The following TEX14 variants were observed in gnomAD, a reference collection of about 807,000 sequenced individuals.
TEX14 encodes the protein testis expressed 14, intercellular bridge forming factor.
A neutral mutation model predicts 178.6 loss-of-function variants in TEX14; 168 were observed. The observed-to-expected ratio is 0.94, with a 90% confidence interval of 0.83 to 1.07. The LOEUF (loss-of-function observed/expected upper bound fraction) is 1.07. Ranked by LOEUF, TEX14 falls within the 50% of genes least tolerant of loss-of-function variation. TEX14 has a pLI of 0.00. For missense variants in TEX14, 1,730 were observed against 1,753.6 expected (o/e 0.99, Z 0.24); for synonymous variants, 626 against 634.1 (o/e 0.99, Z 0.19).
rs137946944 is a variant in TEX14, at chr17:58,605,063, G to A, written c.1251C>T (p.Ala417=). Residue 417 remains alanine (A), a synonymous_variant, in exon 11 of 32, where the codon GCC becomes GCT. Coordinates refer to ENST00000349033, the MANE Select transcript of TEX14 (RefSeq NM_031272.5). Reference sequence around the variant, plus strand: ...CCTTCTGTAAGATCACTTCTGGTGCGGCCCAGTTGTATAGCTGCGTAGGAA... The same window carrying A: ...CCTTCTGTAAGATCACTTCTGGTGCAGCCCAGTTGTATAGCTGCGTAGGAA... ...VPLPTQLYNW[A]APEVILQKAA... 5.1e-5 allele frequency: 83 copies of A among 1,614,160 alleles called. No homozygotes were observed. In the African/African-American group the frequency reaches 7.9e-4, roughly 15 times the overall value.
intron 22 of TEX14, 26 bp from the exon 23 acceptor site, chr17:58,573,334 T>C (rs1179581563): frequency 6.2e-7 from 1 of 1,606,446 alleles, no homozygotes; most frequent in Admixed American, 1.7e-5. Context: ...CACACAGTAA[T>C]GATGAGAAGA....
intron 2 of TEX14, among the ~76,000 whole-genome samples, chr17:58,639,128 G>A (rs2046511306): frequency 1.3e-5 from 2 of 151,584 alleles, no homozygotes; most frequent in Non-Finnish European, 2.9e-5. Context: ...GCCTCTCAAA[G>A]TGCTGGGATT....
chr17:58,657,542 T>G (rs1234686197), intron 1 of TEX14, among the ~76,000 whole-genome samples: 1 of 124,630 alleles, frequency 8.0e-6, no homozygotes, highest in African/African-American at 3.2e-5. Context: ...TGAGACAGAG[T>G]CTTGCTCTGT....
At chr17:58,606,962 T>G (rs1336916311) in intron 10 of TEX14, among the ~76,000 whole-genome samples, 2 of 145,572 alleles carry the variant, frequency 1.4e-5, no homozygotes, top group African/African-American at 5.2e-5. Flanking sequence ...GAGGCAGAGG[T>G]TGCTGTGAGC....
chr17:58,680,567 C>A (rs1028489678), intron 1 of TEX14, among the ~76,000 whole-genome samples: 2 of 152,008 alleles, frequency 1.3e-5, no homozygotes, highest in Non-Finnish European at 2.9e-5. Flanking sequence ...CATGGTAAAA[C>A]CCTATCTCTA....
intron 2 of TEX14, among the ~76,000 whole-genome samples, chr17:58,630,930 A>C (rs1173648272): frequency 1.3e-5 from 2 of 152,184 alleles, no homozygotes; most frequent in Non-Finnish European, 2.9e-5. Context: ...TCCTCACCTA[A>C]AAGATCTTAC....
chr17:58,594,749 A>T (rs558329820), intron 14 of TEX14, among the ~76,000 whole-genome samples: 10 of 152,362 alleles, frequency 6.6e-5, no homozygotes, highest in African/African-American at 2.4e-4. Flanking sequence ...TATGAAAATA[A>T]AACAGAATAC....
Position 58,577,459 on chromosome 17 carries a change from GA to G in TEX14, c.3239-4del. 7.5e-7 allele frequency: 1 copy of G among 1,334,604 alleles called. No individual in the cohort carries two copies. Among genetic ancestry groups the G allele is most frequent in the Non-Finnish European group, 1.0e-6 (1 of 986,352 alleles). The allele number at this position is 1,334,604 out of a possible 1,614,324, so 82.7% of individuals were successfully genotyped here. ...TCTCATTTGGAACTTTTCCTCACCTGAAAGAATAAAGTTAAAAATATATATA... is the reference window on the plus strand; with the variant it reads ...TCTCATTTGGAACTTTTCCTCACCTGAAGAATAAAGTTAAAAATATATATA... On this transcript the variant is annotated splice_region_variant and splice_polypyrimidine_tract_variant and intron_variant, in intron 20 of 31. Coordinates refer to ENST00000349033, the MANE Select transcript of TEX14 (RefSeq NM_031272.5).
At chr17:58,672,736 T>C (rs531428387) in intron 1 of TEX14, among the ~76,000 whole-genome samples, 4 of 150,190 alleles carry the variant, frequency 2.7e-5, no homozygotes, top group South Asian at 2.1e-4. Flanking sequence ...TTCCTTTTTT[T>C]CTTTGTTTGT....
chr17:58,563,202 T>C (rs2044307257), intron 28 of TEX14, among the ~76,000 whole-genome samples: 1 of 151,970 alleles, frequency 6.6e-6, no homozygotes, highest in Non-Finnish European at 1.5e-5. Context: ...CCCCGAATAA[T>C]GATAGTTCAA....
At position 58,573,858 on chromosome 17, in the gene TEX14, A is replaced by G. The variant is rs532404307; in HGVS notation, c.3383+329T>C. Among the ~76,000 whole-genome samples the G allele has an allele frequency of 2.6e-5, 4 of 152,284 alleles. No homozygotes were observed. In the South Asian group the frequency reaches 6.2e-4, roughly 24 times the overall value. ...TTTGCTAGATACTGTAACTTTAAACATATCAGCAGCTAAAAATAAACTATT... is the reference window on the plus strand; with the variant it reads ...TTTGCTAGATACTGTAACTTTAAACGTATCAGCAGCTAAAAATAAACTATT... On this transcript the variant is annotated intron_variant, in intron 22 of 31. Transcript: ENST00000349033.
intron 2 of TEX14, among the ~76,000 whole-genome samples, chr17:58,640,690 A>G (rs542617559): frequency 3.6e-4 from 54 of 151,954 alleles, no homozygotes; most frequent in African/African-American, 1.1e-3. Flanking sequence ...GTAGAGAATT[A>G]TAACATTGTT....
chr17:58,644,733 C>T (rs561753047), intron 2 of TEX14, among the ~76,000 whole-genome samples: 1 of 150,168 alleles, frequency 6.7e-6, no homozygotes, highest in Non-Finnish European at 1.5e-5. Context: ...CCTCCGCCCC[C>T]CCTGGTTCAA....
In TEX14 at chr17:58,598,988, AGAG is replaced by A. The variant is rs765452908; in HGVS notation, c.2354_2356del (p.Pro785del). 4 of 1,614,102 alleles carry A rather than the reference AGAG, an allele frequency of 2.5e-6. No individual in the cohort carries two copies. Among genetic ancestry groups the A allele is most frequent in the Non-Finnish European group, 3.4e-6 (4 of 1,180,004 alleles). On this transcript the variant is annotated inframe_deletion, in exon 14 of 32. Coordinates refer to ENST00000349033, the MANE Select transcript of TEX14 (RefSeq NM_031272.5). The stretch of plus-strand genomic sequence containing the variant: ...GTTTAAAGATGGAGGGCCCACGGCC[AGAG>A]GTAACTTGTAGGCATTTGTAAACTC...
intron 1 of TEX14, among the ~76,000 whole-genome samples, chr17:58,687,624 C>A (rs1353357698): frequency 7.9e-5 from 12 of 151,992 alleles, no homozygotes; most frequent in Non-Finnish European, 1.8e-4. Flanking sequence ...TGAGCCACTG[C>A]ACCCGGCCGT....
At chr17:58,593,514 A>T (rs781016637) in intron 15 of TEX14, 41 bp downstream of exon 15, 6 of 1,452,970 alleles carry the variant, frequency 4.1e-6, no homozygotes. Flanking sequence ...ACAGAAGTCT[A>T]AAGGCATAGT....
chr17:58,618,471 C>T (rs780458856), intron 5 of TEX14, among the ~76,000 whole-genome samples: 35 of 152,356 alleles, frequency 2.3e-4, no homozygotes, highest in Non-Finnish European at 4.7e-4. Context: ...TCCCCCTTCA[C>T]TGAAGGTGTC....
chr17:58,601,957 C>G lies in TEX14; in HGVS notation c.1528-1G>C, dbSNP rs769344128. 3 of 1,612,620 alleles carry G rather than the reference C, an allele frequency of 1.9e-6. No individual in the cohort carries two copies. The highest frequency in any genetic ancestry group is 2.5e-6 in the Non-Finnish European group (3 of 1,179,870). On this transcript the variant is annotated splice_acceptor_variant, in intron 12 of 31. Transcript: ENST00000349033. LOFTEE classifies it high-confidence loss of function. ...GAGTTCTCTGGGCTCCAGTAAAATC[C>G]TGTAACACAGGAAATATTGTCAAGG... is the stretch of plus-strand genomic sequence containing the variant.
At chr17:58,606,263 C>A (rs1018488366) in intron 10 of TEX14, among the ~76,000 whole-genome samples, 2 of 152,126 alleles carry the variant, frequency 1.3e-5, no homozygotes, top group African/African-American at 4.8e-5. Context: ...CAAATGAGAT[C>A]ATGGATGTAG....
Sources: allele counts gnomAD v4.1 joint callset (sites outside exome capture counted in the v4.1 genomes callset), GRCh38; gene constraint gnomAD v4.1.1; transcripts MANE v1.5; gene names NCBI Gene and HGNC (gene_info 2026-07-23, HGNC 2026-07-21).